FNDC3B: variants seen among roughly 807,000 people sequenced by gnomAD.
FNDC3B encodes the protein fibronectin type III domain-containing protein 3B.
In FNDC3B, 12 loss-of-function variants were observed where a neutral mutation model predicts 151.5. The ratio of observed to expected loss-of-function variants is 0.08; its 90% CI spans 0.05 to 0.13. FNDC3B has a LOEUF of 0.13. FNDC3B is among the 10% of genes least tolerant of loss of function. FNDC3B has a pLI of 1.00. For missense variants in FNDC3B, 1,214 were observed against 1,505.3 expected, an observed-to-expected ratio of 0.81 and a Z score of 3.20; for synonymous variants, 528 against 549.0, an observed-to-expected ratio of 0.96 and a Z score of 0.54.
In FNDC3B at chr3:172,397,232, C is replaced by T. The variant is rs374851902; in HGVS notation, c.3372C>T (p.Arg1124=). The T allele has an allele frequency of 1.7e-5, 28 of 1,614,038 alleles. No individual in the cohort carries two copies. The highest frequency in any genetic ancestry group is 5.5e-5 in the South Asian group (5 of 91,080). ...AGACCAACACAGACTACAGGTTCCG[C>T]GTATGTGCGTGTCGTCGCTGTTTAG... ...GLQTNTDYRF[R]VCACRRCLDT... The change falls in exon 26 of 26, where the codon CGC becomes CGT. Residue 1124 remains arginine, a synonymous_variant. Transcript: ENST00000415807.
intron 11 of FNDC3B, among the ~76,000 whole-genome samples, chr3:172,319,326 C>T (rs1007647641): frequency 3.9e-5 from 6 of 152,178 alleles, no homozygotes; most frequent in African/African-American, 1.4e-4. Flanking sequence ...TCCCCCTTCC[C>T]TGAGACAGTC....
chr3:172,208,626 A>G (rs987964299), intron 3 of FNDC3B, among the ~76,000 whole-genome samples: 6 of 152,158 alleles, frequency 3.9e-5, no homozygotes, highest in African/African-American at 7.2e-5. Context: ...ATCATCACAC[A>G]GGATCCTTCG....
At chr3:172,301,535 A>T (rs1325320732) in intron 9 of FNDC3B, 1 of 152,218 alleles carries the variant, frequency 6.6e-6, no homozygotes, top group East Asian at 1.9e-4. Flanking sequence ...TCATAACAGC[A>T]ACTACAGAAG....
intron 3 of FNDC3B, among the ~76,000 whole-genome samples, chr3:172,201,029 C>T (rs1725123258): frequency 6.6e-6 from 1 of 152,204 alleles, no homozygotes; most frequent in Admixed American, 6.5e-5. Context: ...GTTTGAATAA[C>T]ACTTGTTAAT....
chr3:172,252,627 CAA>C (rs1216134572), intron 6 of FNDC3B, among the ~76,000 whole-genome samples: 4 of 151,848 alleles, frequency 2.6e-5, no homozygotes, highest in East Asian at 3.9e-4. Context: ...GAGCTTCTGA[CAA>C]GAGAGAGGAA....
At chr3:172,312,623 G>A (rs1731572008) in intron 11 of FNDC3B, among the ~76,000 whole-genome samples, 1 of 151,396 alleles carries the variant, frequency 6.6e-6, no homozygotes, top group Admixed American at 6.6e-5. Flanking sequence ...TATCTTCTTA[G>A]GGCACTGTGT....
rs1203282464 is a variant in FNDC3B at position 172,400,724 on chromosome 3, T to C, written c.*3249T>C. 6.6e-6 allele frequency: 1 copy of C among 152,328 alleles called. No individual in the cohort carries two copies. The highest frequency in any genetic ancestry group is 2.4e-5 in the African/African-American group (1 of 41,376). 9.4% of individuals were successfully genotyped at this position (152,328 alleles called of 1,614,324 possible). A position where few individuals can be genotyped will look rare whatever the true frequency, so the allele number is the denominator to read the frequency against. On this transcript the variant is annotated 3_prime_UTR_variant, in exon 26 of 26. Coordinates refer to ENST00000415807, the MANE Select transcript of FNDC3B (RefSeq NM_022763.4). ...TTAAATAGGGTTTTTCTGCCATGAC[T>C]AGGATTGCTTTTGTTGTTGTTGTTG...
chr3:172,334,935 G>A lies in FNDC3B; in HGVS notation c.1642-9G>A. On this transcript the variant is annotated splice_polypyrimidine_tract_variant and intron_variant, in intron 14 of 25. Transcript: ENST00000415807. ...AAATCATGTTAACGTTTCCTTGGTTGTGTTCTAGCTGACTGCTTCTAATAC... is the reference window on the plus strand; with the variant it reads ...AAATCATGTTAACGTTTCCTTGGTTATGTTCTAGCTGACTGCTTCTAATAC... The A allele has an allele frequency of 6.2e-7, 1 of 1,608,408 alleles. No homozygotes were observed.
chr3:172,192,001 A>G (rs1724535612), intron 3 of FNDC3B, among the ~76,000 whole-genome samples: 1 of 152,098 alleles, frequency 6.6e-6, no homozygotes, highest in African/African-American at 2.4e-5. Flanking sequence ...TACATATGTT[A>G]CCAGACCTAT....
intron 1 of FNDC3B, among the ~76,000 whole-genome samples, chr3:172,104,554 G>T (rs759598268): frequency 1.3e-5 from 2 of 152,050 alleles, no homozygotes; most frequent in African/African-American, 4.8e-5. Flanking sequence ...GTACAGGAGC[G>T]ATTAGCTCAA....
chr3:172,173,225 T>G (rs1256553333), intron 3 of FNDC3B, among the ~76,000 whole-genome samples: 1 of 152,154 alleles, frequency 6.6e-6, no homozygotes, highest in South Asian at 2.1e-4. Context: ...CCTTTTCTGC[T>G]TGTCATAAGG....
chr3:172,359,066 A>G (rs1323743824), intron 22 of FNDC3B, among the ~76,000 whole-genome samples: 1 of 151,460 alleles, frequency 6.6e-6, no homozygotes, highest in East Asian at 1.9e-4. Context: ...TGCCTAGGAG[A>G]TACTCAGTGA....
At chr3:172,145,847 C>T (rs184266805) in intron 3 of FNDC3B, among the ~76,000 whole-genome samples, 1,535 of 128,758 alleles carry the variant, frequency 0.012, 35 homozygotes, top group African/African-American at 0.043. Context: ...GAGTTTCACT[C>T]TTGTTGCCCA....
At chr3:172,289,574 C>T (rs1422706379) in intron 7 of FNDC3B, among the ~76,000 whole-genome samples, 1 of 152,230 alleles carries the variant, frequency 6.6e-6, no homozygotes, top group East Asian at 1.9e-4. Context: ...CCTCTTCGTA[C>T]CACTTTTCTC....
chr3:172,086,990 T>A (rs1226095829), intron 1 of FNDC3B, among the ~76,000 whole-genome samples: 1 of 152,224 alleles, frequency 6.6e-6, no homozygotes, highest in Non-Finnish European at 1.5e-5. Flanking sequence ...AGTTCCTGGC[T>A]TCACATGGTT....
At position 172,392,637 on chromosome 3, in the gene FNDC3B, T is replaced by A. The variant is rs534758836; in HGVS notation, c.3304-4527T>A. ...GTTTACACACTGGGCTTTAGAAACA[T>A]GTAGAGGCATTTGTAGATTCCCGCT... On this transcript the variant is annotated intron_variant, in intron 25 of 25. Coordinates refer to ENST00000415807, the MANE Select transcript of FNDC3B (RefSeq NM_022763.4). 2.0e-5 allele frequency among the ~76,000 whole-genome samples: 3 copies of A among 152,202 alleles called. No homozygotes were observed. In the South Asian group the frequency reaches 6.2e-4, roughly 32 times the overall value.
At chr3:172,057,957 T>G (rs1412291213) in intron 1 of FNDC3B, among the ~76,000 whole-genome samples, 2 of 151,706 alleles carry the variant, frequency 1.3e-5, no homozygotes, top group African/African-American at 2.4e-5. Context: ...ATTCTTGGGC[T>G]GGAAGGAGTG....
intron 3 of FNDC3B, among the ~76,000 whole-genome samples, chr3:172,135,527 C>G (rs750509842): frequency 3.3e-5 from 5 of 152,114 alleles, no homozygotes; most frequent in African/African-American, 7.2e-5. Flanking sequence ...ATCTTTGGCT[C>G]CCTCCAGGCT....
At chr3:172,075,030 T>C (rs1277020282) in intron 1 of FNDC3B, among the ~76,000 whole-genome samples, 2 of 152,178 alleles carry the variant, frequency 1.3e-5, no homozygotes, top group African/African-American at 4.8e-5. Flanking sequence ...GCCAAAAACA[T>C]TTTTTTCCTT....
Sources: allele counts gnomAD v4.1 joint callset (sites outside exome capture counted in the v4.1 genomes callset), GRCh38; gene constraint gnomAD v4.1.1; transcripts MANE v1.5; gene names NCBI Gene and HGNC (gene_info 2026-07-23, HGNC 2026-07-21).